INPP4A: variants seen among roughly 807,000 people sequenced by gnomAD.
INPP4A encodes inositol polyphosphate-4-phosphatase, type I, 107kD.
In INPP4A, 33 loss-of-function variants were observed where a neutral mutation model predicts 119.8. That is an observed-to-expected ratio of 0.28 (90% CI 0.21 to 0.37). The LOEUF is 0.37. Among genes scored for constraint, INPP4A ranks in the 10% least tolerant of loss-of-function variants. INPP4A has a pLI of 1.00. For synonymous variants in INPP4A, 496 were observed against 500.7 expected, an observed-to-expected ratio of 0.99 and a Z score of 0.12; for missense variants, 956 against 1,289.9, an observed-to-expected ratio of 0.74 and a Z score of 3.97.
In INPP4A at chr2:98,545,952, C is replaced by G. The variant is rs1692407915; in HGVS notation, c.950-17C>G. The G allele has an allele frequency of 6.4e-7, 1 of 1,555,472 alleles. No individual in the cohort carries two copies. Among genetic ancestry groups the G allele is most frequent in the Non-Finnish European group, 8.7e-7 (1 of 1,144,184 alleles). On this transcript the variant is annotated splice_polypyrimidine_tract_variant and intron_variant, in intron 11 of 24. Coordinates refer to ENST00000409851, the MANE Select transcript of INPP4A (RefSeq NM_001134225.2). ...TGTATGCTGATGGCCTTTATCTTCT[C>G]CTATTCCATTTCTTAGGGCCCTCGT...
intron 5 of INPP4A, among the ~76,000 whole-genome samples, chr2:98,534,297 AC>A (rs1400408664): frequency 6.6e-6 from 1 of 152,184 alleles, no homozygotes; most frequent in Non-Finnish European, 1.5e-5. Context: ...TGAGGAATTG[AC>A]CAGCTGGTGG....
At chr2:98,563,706 G>A in intron 18 of INPP4A, 69 bp downstream of exon 18, 1 of 1,507,190 alleles carries the variant, frequency 6.6e-7, no homozygotes. Context: ...GGCTTAGGAA[G>A]CCCTTCCCTC....
intron 1 of INPP4A, among the ~76,000 whole-genome samples, chr2:98,458,468 G>T (rs1015009597): frequency 6.6e-6 from 1 of 152,168 alleles, no homozygotes; most frequent in Non-Finnish European, 1.5e-5. Context: ...TGCCTGTGAT[G>T]CCTGAGCCTA....
In INPP4A at chr2:98,534,558, C is replaced by T. The variant is rs147628325; in HGVS notation, c.270+1063C>T. On this transcript the variant is annotated intron_variant, in intron 5 of 24. Coordinates refer to ENST00000409851, the MANE Select transcript of INPP4A (RefSeq NM_001134225.2). ...GTCGGGGGACTCCACATGAAGAGCA[C>T]GCCAAAGTTCTGTTGTGGCTATGCA... 1.7e-3 allele frequency among the ~76,000 whole-genome samples: 252 copies of T among 152,266 alleles called. 1 individual carries two copies. Among genetic ancestry groups the T allele is most frequent in the African/African-American group, 5.7e-3 (235 of 41,546 alleles).
chr2:98,490,561 CT>C (rs1680510712), intron 1 of INPP4A, among the ~76,000 whole-genome samples: 1 of 152,192 alleles, frequency 6.6e-6, no homozygotes, highest in South Asian at 2.1e-4. Context: ...GAGTTTGACA[CT>C]TCACTGGTTC....
intron 1 of INPP4A, among the ~76,000 whole-genome samples, chr2:98,487,561 T>C (rs1295867563): frequency 1.3e-5 from 2 of 152,196 alleles, no homozygotes; most frequent in Non-Finnish European, 2.9e-5. Flanking sequence ...TTTATATCAA[T>C]ATGGACTCAA....
chr2:98,459,605 T>C (rs1366520172), intron 1 of INPP4A, among the ~76,000 whole-genome samples: 1 of 152,222 alleles, frequency 6.6e-6, no homozygotes, highest in East Asian at 1.9e-4. Context: ...GTGTGAAGAT[T>C]GCCAGAGTTC....
chr2:98,552,931 A>C lies in INPP4A; in HGVS notation c.1309A>C (p.Thr437Pro), dbSNP rs768313787. 6.2e-7 allele frequency: 1 copy of C among 1,613,390 alleles called. No homozygotes were observed. The highest frequency in any genetic ancestry group is 8.5e-7 in the Non-Finnish European group (1 of 1,179,620). ...LSRAAKDRSA[T>P]GLERTLAILA... ...AAGGGCAGCCAAGGACAGGTCTGCCACTGGCCTTGAGAGGACACTCGCCAT... is the reference window on the plus strand; with the variant it reads ...AAGGGCAGCCAAGGACAGGTCTGCCCCTGGCCTTGAGAGGACACTCGCCAT... Residue 437 changes from threonine to proline, a missense_variant, in exon 14 of 25, where the codon ACT (threonine) becomes CCT (proline). Thr to Pro is a conservative substitution (Grantham distance 38, BLOSUM62 -1). Coordinates refer to ENST00000409851, the MANE Select transcript of INPP4A (RefSeq NM_001134225.2).
intron 4 of INPP4A, among the ~76,000 whole-genome samples, chr2:98,526,986 A>G (rs1688299714): frequency 6.6e-6 from 1 of 151,932 alleles, no homozygotes; most frequent in African/African-American, 2.4e-5. Flanking sequence ...CCATTATCCA[A>G]ATACCTTCCA....
At position 98,445,280 on chromosome 2, in the gene INPP4A, GC is replaced by G. The variant is rs528573811; in HGVS notation, c.-166+198del. 4.2e-3 allele frequency among the ~76,000 whole-genome samples: 632 copies of G among 152,216 alleles called. 1 individual carries two copies. Among genetic ancestry groups the G allele is most frequent in the Middle Eastern group, 0.01 (3 of 292 alleles). On this transcript the variant is annotated intron_variant, in intron 1 of 24. Transcript: ENST00000409851. The stretch of plus-strand genomic sequence containing the variant: ...GTGGCGTCTTTTGAGAACAATCCGA[GC>G]CCGGCCGACCCCCAGCCCCGTGAAG...
intron 7 of INPP4A, among the ~76,000 whole-genome samples, chr2:98,536,469 A>T (rs1404498317): frequency 6.6e-6 from 1 of 152,172 alleles, no homozygotes; most frequent in East Asian, 1.9e-4. Context: ...TAGTAATACT[A>T]AGTGTGTTTC....
At chr2:98,470,306 C>T (rs563635511) in intron 1 of INPP4A, among the ~76,000 whole-genome samples, 14 of 152,354 alleles carry the variant, frequency 9.2e-5, no homozygotes, top group African/African-American at 3.1e-4. Context: ...GACCTGGCCC[C>T]TGGAGGCTGA....
intron 1 of INPP4A, among the ~76,000 whole-genome samples, chr2:98,479,842 G>A (rs1678042269): frequency 6.6e-6 from 1 of 152,202 alleles, no homozygotes; most frequent in Non-Finnish European, 1.5e-5. Context: ...TTCTGTCAGG[G>A]TCTCTGTCTG....
intron 10 of INPP4A, among the ~76,000 whole-genome samples, chr2:98,541,421 C>G (rs1449489830): frequency 1.3e-5 from 2 of 151,816 alleles, no homozygotes; most frequent in African/African-American, 4.8e-5. Context: ...ATTGCTTTCT[C>G]TATATATGCA....
chr2:98,555,921 G>C, intron 16 of INPP4A, 113 bp downstream of exon 16: 1 of 1,316,902 alleles, frequency 7.6e-7, no homozygotes. Flanking sequence ...TGCAGGGAGG[G>C]CTGCCAGGTG....
intron 1 of INPP4A, among the ~76,000 whole-genome samples, chr2:98,508,387 G>C (rs1004289437): frequency 1.1e-4 from 16 of 152,338 alleles, no homozygotes; most frequent in Non-Finnish European, 2.2e-4. Context: ...CTGGGTTCAT[G>C]CTCCACAGTC....
At chr2:98,536,324 T>A in intron 7 of INPP4A, 116 bp downstream of exon 7, 1 of 686,742 alleles carries the variant, frequency 1.5e-6, no homozygotes, top group Non-Finnish European at 2.7e-6. Flanking sequence ...CAGAAGCCAG[T>A]CAGCGTGGGG....
intron 1 of INPP4A, among the ~76,000 whole-genome samples, chr2:98,499,171 A>T (rs1682628309): frequency 6.6e-6 from 1 of 152,182 alleles, no homozygotes. Flanking sequence ...TTCTTCATAT[A>T]TGTTTGCTGA....
At chr2:98,501,834 G>A (rs1215276734) in intron 1 of INPP4A, among the ~76,000 whole-genome samples, 5 of 152,188 alleles carry the variant, frequency 3.3e-5, no homozygotes, top group African/African-American at 1.2e-4. Context: ...CATCAGTTGC[G>A]TTTCCATCAC....
Sources: allele counts gnomAD v4.1 joint callset (sites outside exome capture counted in the v4.1 genomes callset), GRCh38; gene constraint gnomAD v4.1.1; transcripts MANE v1.5; gene names NCBI Gene and HGNC (gene_info 2026-07-23, HGNC 2026-07-21).